TDP2: variants seen among roughly 807,000 people sequenced by gnomAD.
TDP2 encodes the protein tyrosyl-DNA phosphodiesterase 2, also known as 5'-Tyr-DNA phosphodiesterase.
In TDP2, 38 loss-of-function variants were observed where a neutral mutation model predicts 42.8. That is an observed-to-expected ratio of 0.89 (90% CI 0.68 to 1.16). The LOEUF (loss-of-function observed/expected upper bound fraction) is 1.16. Among genes scored for constraint, TDP2 ranks in the 50% most tolerant of loss-of-function variants. The probability of loss-of-function intolerance (pLI) is 0.00; values close to 1 mark genes in which losing one functional copy is unlikely to be tolerated. For synonymous variants in TDP2, 173 were observed against 150.6 expected, an observed-to-expected ratio of 1.15 and a Z score of -1.09; for missense variants, 439 against 439.3, an observed-to-expected ratio of 1.00 and a Z score of 0.01.
At chr6:24,653,952 C>T (rs1778017083) in intron 5 of TDP2, among the ~76,000 whole-genome samples, 2 of 152,200 alleles carry the variant, frequency 1.3e-5, no homozygotes, top group South Asian at 4.1e-4. Flanking sequence ...ACTAAACAAT[C>T]TGGCTAAAAG....
intron 4 of TDP2, among the ~76,000 whole-genome samples, chr6:24,654,816 G>A (rs773321529): frequency 1.2e-4 from 18 of 152,066 alleles, no homozygotes; most frequent in Non-Finnish European, 1.8e-4. Flanking sequence ...CGAGGTGGGC[G>A]GATCACCTGA....
chr6:24,656,367 G>A (rs1468663874), intron 4 of TDP2, among the ~76,000 whole-genome samples: 1 of 151,904 alleles, frequency 6.6e-6, no homozygotes, highest in African/African-American at 2.4e-5. Context: ...AGAAAAATGG[G>A]AGAGTAAAAA....
intron 2 of TDP2, among the ~76,000 whole-genome samples, chr6:24,662,098 C>A (rs1330474235): frequency 1.3e-5 from 2 of 152,128 alleles, no homozygotes; most frequent in African/African-American, 4.8e-5. Flanking sequence ...CCCAGGGACA[C>A]AATGCACTGC....
intron 4 of TDP2, among the ~76,000 whole-genome samples, chr6:24,656,402 A>C (rs1290060373): frequency 1.3e-5 from 2 of 152,040 alleles, no homozygotes; most frequent in Non-Finnish European, 2.9e-5. Flanking sequence ...AAGAAGAGAC[A>C]GGGAGAAAAG....
chr6:24,656,238 T>C (rs1430089781), intron 4 of TDP2, among the ~76,000 whole-genome samples: 1 of 152,092 alleles, frequency 6.6e-6, no homozygotes, highest in Non-Finnish European at 1.5e-5. Context: ...AATAATGCTA[T>C]CTAAAAGTCA....
intron 2 of TDP2, among the ~76,000 whole-genome samples, chr6:24,660,038 C>CCT (rs1405813713): frequency 6.6e-6 from 1 of 152,132 alleles, no homozygotes; most frequent in Non-Finnish European, 1.5e-5. Flanking sequence ...AAGGTTAACT[C>CCT]CTAAGCATTT....
rs774390589 is a variant in TDP2 at position 24,657,846 on chromosome 6, T to C, written c.483A>G (p.Leu161=). ...TCTCATAATTACTTGATCTCTTCTT[T>C]AGGTAGCTATAATATGGGGGAATAA... ...QEVIPPYYSY[L]KKRSSNYEII... Residue 161 remains leucine (L), a synonymous_variant, in exon 4 of 7, where the codon CTA becomes CTG. Transcript: ENST00000378198. The C allele has an allele frequency of 1.4e-5, 22 of 1,583,960 alleles. No homozygotes were observed. The Admixed American group carries it at 1.7e-4, about 12-fold the overall frequency.
chr6:24,650,576 T>A lies in TDP2; in HGVS notation c.*212A>T, dbSNP rs1777955767. ...TCTGACAGGCTTTGTGCCCTTTTTA[T>A]TAAATGGCCTCACATCCTGAATGCA... On this transcript the variant is annotated 3_prime_UTR_variant, in exon 7 of 7. Transcript: ENST00000378198. The A allele has an allele frequency of 1.8e-6, 1 of 561,182 alleles. No homozygotes were observed. The highest frequency in any genetic ancestry group is 3.1e-6 in the Non-Finnish European group (1 of 325,428). The allele number at this position is 561,182 out of a possible 1,614,324, so 34.8% of individuals were successfully genotyped here. A position where few individuals can be genotyped will look rare whatever the true frequency, so the allele number is the denominator to read the frequency against.
chr6:24,663,635 C>G (rs1176925160), intron 2 of TDP2, among the ~76,000 whole-genome samples: 1 of 152,120 alleles, frequency 6.6e-6, no homozygotes, highest in Non-Finnish European at 1.5e-5. Flanking sequence ...CTTGCAAGAT[C>G]TGGTTGTTTA....
intron 5 of TDP2, among the ~76,000 whole-genome samples, chr6:24,653,672 G>A (rs560685064): frequency 1.2e-4 from 18 of 152,176 alleles, no homozygotes; most frequent in Non-Finnish European, 2.4e-4. Flanking sequence ...TATACTAAGT[G>A]TCTGCAGAAT....
intron 2 of TDP2, among the ~76,000 whole-genome samples, chr6:24,660,268 A>C (rs1221673685): frequency 2.0e-5 from 3 of 152,198 alleles, no homozygotes; most frequent in Admixed American, 1.3e-4. Context: ...GTTATGCACC[A>C]CATTTGGAGA....
chr6:24,652,164 C>T (rs1304463878), intron 6 of TDP2, among the ~76,000 whole-genome samples: 2 of 152,192 alleles, frequency 1.3e-5, no homozygotes, highest in Non-Finnish European at 2.9e-5. Flanking sequence ...AGCATAATGT[C>T]TTTAAGATTC....
intron 4 of TDP2, among the ~76,000 whole-genome samples, chr6:24,657,276 C>T (rs985219699): frequency 4.6e-5 from 7 of 152,056 alleles, no homozygotes; most frequent in African/African-American, 1.7e-4. Context: ...TGAGTATGTG[C>T]GAATTTTGGT....
intron 5 of TDP2, 67 bp downstream of exon 5, chr6:24,654,345 A>G: frequency 1.2e-6 from 1 of 839,030 alleles, no homozygotes; most frequent in Non-Finnish European, 1.8e-6. Context: ...TTTTAAAAAG[A>G]ATAATAACAC....
At chr6:24,661,738 A>T (rs1778151939) in intron 2 of TDP2, among the ~76,000 whole-genome samples, 2 of 152,110 alleles carry the variant, frequency 1.3e-5, no homozygotes, top group Non-Finnish European at 2.9e-5. Flanking sequence ...AAAGTGCAAA[A>T]CTTTCTTTTG....
rs1777948603 is a variant in TDP2 at position 24,650,232 on chromosome 6, G to C, written c.*556C>G. On this transcript the variant is annotated 3_prime_UTR_variant, in exon 7 of 7. Coordinates refer to ENST00000378198, the MANE Select transcript of TDP2 (RefSeq NM_016614.3). ...ATGACTACAAACATGAATCAAAAAG[G>C]AGTTAAGGAATTTTAAGCCATAAGG... 6.6e-6 allele frequency: 1 copy of C among 152,456 alleles called. No homozygotes were observed. The highest frequency in any genetic ancestry group is 6.5e-5 in the Admixed American group (1 of 15,290). 9.4% of individuals were successfully genotyped at this position (152,456 alleles called of 1,614,324 possible). A position where few individuals can be genotyped will look rare whatever the true frequency, so the allele number is the denominator to read the frequency against.
chr6:24,656,921 A>C (rs779242122), intron 4 of TDP2, among the ~76,000 whole-genome samples: 5 of 152,200 alleles, frequency 3.3e-5, no homozygotes, highest in Non-Finnish European at 7.3e-5. Flanking sequence ...GAAATCCTAA[A>C]AGAATCCCCA....
intron 2 of TDP2, 50 bp from the exon 3 acceptor site, chr6:24,658,784 TTA>T (rs1778096772): frequency 6.5e-7 from 1 of 1,545,400 alleles, no homozygotes; most frequent in Non-Finnish European, 8.8e-7. Flanking sequence ...TATAAATTGA[TTA>T]AGAATTATTT....
chr6:24,655,367 G>C (rs1160024781), intron 4 of TDP2, among the ~76,000 whole-genome samples: 2 of 152,184 alleles, frequency 1.3e-5, no homozygotes, highest in Non-Finnish European at 2.9e-5. Flanking sequence ...GAAACCACTT[G>C]AGTGACTGTA....
Sources: allele counts gnomAD v4.1 joint callset (sites outside exome capture counted in the v4.1 genomes callset), GRCh38; gene constraint gnomAD v4.1.1; transcripts MANE v1.5; gene names NCBI Gene and HGNC (gene_info 2026-07-23, HGNC 2026-07-21).